SLIT3: variants seen among roughly 807,000 people sequenced by gnomAD.
The protein encoded by SLIT3 is slit guidance ligand 3, also known as slit homolog 3 protein.
In SLIT3, 68 loss-of-function variants were observed where a neutral mutation model predicts 184.0. The ratio of observed to expected loss-of-function variants is 0.37; its 90% CI spans 0.30 to 0.45. SLIT3 has a LOEUF of 0.45. Ranked by LOEUF, SLIT3 falls within the 20% of genes least tolerant of loss-of-function variation. SLIT3 has a pLI of 1.00. For synonymous variants in SLIT3, 831 were observed against 828.6 expected, an observed-to-expected ratio of 1.00 and a Z score of -0.05; for missense variants, 1,707 against 2,026.0, an observed-to-expected ratio of 0.84 and a Z score of 3.02.
At chr5:169,079,237 TG>T (rs893186131) in intron 4 of SLIT3, among the ~76,000 whole-genome samples, 62 of 152,180 alleles carry the variant, frequency 4.1e-4, no homozygotes, top group African/African-American at 1.4e-3. Context: ...TTTGTCCAGG[TG>T]GTGTGTAACC....
chr5:168,682,455 G>A (rs1187905672), intron 32 of SLIT3, among the ~76,000 whole-genome samples: 1 of 152,218 alleles, frequency 6.6e-6, no homozygotes, highest in East Asian at 1.9e-4. Flanking sequence ...AACCCCTAGG[G>A]TTTTGGATTC....
At chr5:169,241,711 GT>G (rs5873166) in intron 3 of SLIT3, among the ~76,000 whole-genome samples, 75,271 of 151,912 alleles carry the variant, frequency 0.5, 18,863 homozygotes, top group Middle Eastern at 0.53. Flanking sequence ...AACAGTCATG[GT>G]TTTGGGAAGA....
At chr5:169,161,617 C>A (rs1277007922) in intron 4 of SLIT3, among the ~76,000 whole-genome samples, 1 of 151,952 alleles carries the variant, frequency 6.6e-6, no homozygotes, top group African/African-American at 2.4e-5. Context: ...GGGAGGCCAA[C>A]CATGTGGTTT....
Position 168,745,264 on chromosome 5 carries a change from CT to C in SLIT3, c.2270+3037del, listed in dbSNP as rs530272212. 2.0e-5 allele frequency among the ~76,000 whole-genome samples: 3 copies of C among 152,280 alleles called. No individual in the cohort carries two copies. In the Middle Eastern group the frequency reaches 0.01, roughly 518 times the overall value. ...AACTTGAGCAGATAAGGAGTTGCTT[CT>C]TATAGATGAGGAAAGAAATTGGTTT... is the stretch of plus-strand genomic sequence containing the variant. On this transcript the variant is annotated intron_variant, in intron 20 of 35. Transcript: ENST00000519560.
At chr5:168,678,848 CA>C (rs1761494592) in intron 32 of SLIT3, among the ~76,000 whole-genome samples, 1 of 152,144 alleles carries the variant, frequency 6.6e-6, no homozygotes, top group Non-Finnish European at 1.5e-5. Flanking sequence ...TCCCAAGCCC[CA>C]ATGATTAGTC....
intron 4 of SLIT3, among the ~76,000 whole-genome samples, chr5:169,094,813 C>A (rs895442597): frequency 6.6e-6 from 1 of 152,194 alleles, no homozygotes; most frequent in Non-Finnish European, 1.5e-5. Context: ...AGAACACAAC[C>A]ATTTCCATTC....
intron 32 of SLIT3, among the ~76,000 whole-genome samples, chr5:168,680,437 C>A (rs530254634): frequency 6.6e-6 from 1 of 152,354 alleles, no homozygotes; most frequent in East Asian, 1.9e-4. Context: ...TGGAATCTAG[C>A]CTGCAGGTCC....
intron 20 of SLIT3, among the ~76,000 whole-genome samples, chr5:168,741,085 G>C (rs1763619394): frequency 6.6e-6 from 1 of 152,168 alleles, no homozygotes; most frequent in Non-Finnish European, 1.5e-5. Flanking sequence ...TTTAGCAACT[G>C]TCAAGACCTC....
In SLIT3 at chr5:169,129,857, T is replaced by C. The variant is rs1009568413; in HGVS notation, c.413+63622A>G. On this transcript the variant is annotated intron_variant, in intron 4 of 35. Coordinates refer to ENST00000519560, the MANE Select transcript of SLIT3 (RefSeq NM_003062.4). Reference sequence around the variant, plus strand: ...TTGTTTGTTTGTTTGTTTGTTTGTTTGTTTTTCCTGAGATGAAGTCTTGCT... The same window carrying C: ...TTGTTTGTTTGTTTGTTTGTTTGTTCGTTTTTCCTGAGATGAAGTCTTGCT... 3.3e-5 allele frequency among the ~76,000 whole-genome samples: 5 copies of C among 151,628 alleles called. No individual in the cohort carries two copies. In the East Asian group the frequency reaches 9.7e-4, roughly 29 times the overall value.
rs569803161 is a variant in SLIT3, at chr5:168,762,485, C to T, written c.1610+54G>A. On this transcript the variant is annotated intron_variant, in intron 15 of 35. Coordinates refer to ENST00000519560, the MANE Select transcript of SLIT3 (RefSeq NM_003062.4). ...CAGGAGACCCTGCCCACGCTGGCTC[C>T]GGGTGACTGGCGTGTGGGGAGGAGT... 6.8e-5 allele frequency: 108 copies of T among 1,583,960 alleles called. No individual in the cohort carries two copies. In the Middle Eastern group the frequency reaches 1.2e-3, roughly 17 times the overall value.
chr5:168,802,855 C>T (rs138154808), intron 9 of SLIT3, among the ~76,000 whole-genome samples: 3 of 152,298 alleles, frequency 2.0e-5, no homozygotes, highest in Admixed American at 6.5e-5. Flanking sequence ...ATTCGTTCAC[C>T]TAACTTTCAT....
intron 26 of SLIT3, among the ~76,000 whole-genome samples, chr5:168,703,603 A>G (rs537381722): frequency 2.6e-5 from 4 of 152,140 alleles, no homozygotes; most frequent in African/African-American, 9.6e-5. Context: ...TTCCGTGGAA[A>G]AACTGTCTTC....
chr5:169,111,644 C>A (rs987033711), intron 4 of SLIT3, among the ~76,000 whole-genome samples: 2 of 152,078 alleles, frequency 1.3e-5, no homozygotes, highest in Non-Finnish European at 2.9e-5. Context: ...CCCAGCTACT[C>A]GGGAGGCTGA....
At chr5:168,903,433 G>A (rs1173423044) in intron 4 of SLIT3, among the ~76,000 whole-genome samples, 1 of 152,064 alleles carries the variant, frequency 6.6e-6, no homozygotes, top group Non-Finnish European at 1.5e-5. Context: ...CAGCACCTGT[G>A]TTTCATTTGA....
chr5:168,936,147 T>G (rs1246048913), intron 4 of SLIT3, among the ~76,000 whole-genome samples: 3 of 152,230 alleles, frequency 2.0e-5, no homozygotes, highest in African/African-American at 7.2e-5. Context: ...ATTAAGGTAC[T>G]TGGGTCCCAT....
At chr5:168,774,175 TG>T in intron 13 of SLIT3, 59 bp downstream of exon 13, 1 of 1,514,698 alleles carries the variant, frequency 6.6e-7, no homozygotes. Context: ...TTTTTCATGA[TG>T]GGCATTTGGG....
intron 9 of SLIT3, among the ~76,000 whole-genome samples, chr5:168,804,613 C>T (rs62378495): frequency 0.011 from 1,690 of 152,168 alleles, 20 homozygotes; most frequent in Non-Finnish European, 0.017. Flanking sequence ...CCGCAGAAGG[C>T]GGAGAGGGCA....
chr5:168,964,459 C>G (rs569083435), intron 4 of SLIT3, among the ~76,000 whole-genome samples: 6 of 152,106 alleles, frequency 3.9e-5, no homozygotes, highest in Non-Finnish European at 8.8e-5. Context: ...TATTGGCCAA[C>G]AAAACATACA....
intron 4 of SLIT3, among the ~76,000 whole-genome samples, chr5:169,147,461 G>A (rs867979746): frequency 3.9e-5 from 6 of 152,014 alleles, no homozygotes; most frequent in African/African-American, 9.7e-5. Flanking sequence ...GGGTTTGATC[G>A]TGTTAGCCAG....
Sources: allele counts gnomAD v4.1 joint callset (sites outside exome capture counted in the v4.1 genomes callset), GRCh38; gene constraint gnomAD v4.1.1; transcripts MANE v1.5; gene names NCBI Gene and HGNC (gene_info 2026-07-23, HGNC 2026-07-21).